The following PCDHGB2 variants were observed in gnomAD, a reference collection of about 807,000 sequenced individuals.
PCDHGB2 encodes the protein protocadherin gamma-B2.
Under a neutral mutation model 59.3 loss-of-function variants are expected in PCDHGB2, and 55 were observed. That is an observed-to-expected ratio of 0.93 (90% CI 0.75 to 1.16). The LOEUF is 1.16. PCDHGB2 is among the 50% of genes most tolerant of loss of function. The pLI, the probability that PCDHGB2 is intolerant of heterozygous loss-of-function variation, is 0.00. For missense variants in PCDHGB2, 1,228 were observed against 1,198.5 expected, an observed-to-expected ratio of 1.02 and a Z score of -0.36; for synonymous variants, 516 against 512.0, an observed-to-expected ratio of 1.01 and a Z score of -0.11.
intron 1 of PCDHGB2, chr5:141,371,397 A>G: frequency 6.2e-7 from 1 of 1,614,004 alleles, no homozygotes; most frequent in Non-Finnish European, 8.5e-7. Flanking sequence ...TAAAGTACAG[A>G]TAGATATTTC....
intron 2 of PCDHGB2, among the ~76,000 whole-genome samples, chr5:141,497,552 T>C (rs2099777669): frequency 6.6e-6 from 1 of 151,386 alleles, no homozygotes; most frequent in Non-Finnish European, 1.5e-5. Context: ...TTTTTTTTTT[T>C]TTTTTTAGAC....
intron 1 of PCDHGB2, among the ~76,000 whole-genome samples, chr5:141,473,990 G>A (rs988540565): frequency 2.0e-5 from 3 of 152,130 alleles, no homozygotes; most frequent in African/African-American, 7.2e-5. Flanking sequence ...GATCCCTTGA[G>A]CCCAAGGAGC....
chr5:141,367,141 T>G (rs1764967867), intron 1 of PCDHGB2: 1 of 171,782 alleles, frequency 5.8e-6, no homozygotes, highest in Admixed American at 5.8e-5. Context: ...GAAAGGATAA[T>G]GTATAGGACT....
rs1771007417 is a variant in PCDHGB2, at chr5:141,374,980, A to G, written c.2421+12424A>G. ...TTTTCTGTTTGAATGTTTTGACTGG[A>G]GAAATTTCAACTTCTGCAAATCTAG... On this transcript the variant is annotated intron_variant, in intron 1 of 3. Transcript: ENST00000522605. 3 of 1,613,920 alleles carry G rather than the reference A, an allele frequency of 1.9e-6. No homozygotes were observed. The Admixed American group carries it at 5.0e-5, about 27-fold the overall frequency.
intron 1 of PCDHGB2, among the ~76,000 whole-genome samples, chr5:141,467,680 T>A (rs75237059): frequency 6.6e-6 from 1 of 152,138 alleles, no homozygotes; most frequent in Non-Finnish European, 1.5e-5. Flanking sequence ...TTATTTTTTT[T>A]AGACAGGGTC....
intron 1 of PCDHGB2, chr5:141,433,153 A>G (rs896611410): frequency 3.1e-6 from 5 of 1,613,482 alleles, no homozygotes; most frequent in African/African-American, 2.7e-5. Flanking sequence ...GTGATTCGGT[A>G]TTTTCTAAAG....
chr5:141,415,761 T>TG (rs1485369884), intron 1 of PCDHGB2: 1 of 1,399,490 alleles, frequency 7.1e-7, no homozygotes, highest in Non-Finnish European at 9.3e-7. Flanking sequence ...TTTTTTTTTT[T>TG]TTTTTTTTTT....
chr5:141,434,768 T>C (rs6580188), intron 1 of PCDHGB2, among the ~76,000 whole-genome samples: 81,499 of 151,296 alleles, frequency 0.54, 23,977 homozygotes, highest in African/African-American at 0.79. Context: ...CACTTCACAC[T>C]TCTAAAAAAA....
chr5:141,362,169 C>T lies in PCDHGB2; in HGVS notation c.2034C>T (p.Arg678=), dbSNP rs1762357316. 1 of 1,614,046 alleles carries T rather than the reference C, an allele frequency of 6.2e-7. No individual in the cohort carries two copies. Among genetic ancestry groups the T allele is most frequent in the Non-Finnish European group, 8.5e-7 (1 of 1,179,900 alleles). The change falls in exon 1 of 4, where the codon CGC becomes CGT. Residue 678 remains arginine (R), a synonymous_variant. Transcript: ENST00000522605. Reference sequence around the variant, plus strand: ...AGGTATTGCCAGACCTCAGCGACCGCCGGGAGCCCTCTGACCCCCAGGCAA... The same window carrying T: ...AGGTATTGCCAGACCTCAGCGACCGTCGGGAGCCCTCTGACCCCCAGGCAA... ...LQEVLPDLSD[R]REPSDPQAKL...
chr5:141,400,728 T>C, intron 1 of PCDHGB2: 1 of 648,188 alleles, frequency 1.5e-6, no homozygotes. Context: ...ATTTACAAAG[T>C]AGTGAGAGTT....
rs748591129 is a variant in PCDHGB2 at position 141,388,776 on chromosome 5, G to A, written c.2421+26220G>A. ...ATTTGACCTGAACTCTAACACCGGG[G>A]AAATTACTGTTTTAAATACATTAGA... On this transcript the variant is annotated intron_variant, in intron 1 of 3. Transcript: ENST00000522605. 8.7e-6 allele frequency: 14 copies of A among 1,613,806 alleles called. 1 individual carries two copies. In the South Asian group the frequency reaches 1.1e-4, roughly 13 times the overall value.
chr5:141,383,924 A>T (rs1215078494), intron 1 of PCDHGB2: 1 of 1,613,832 alleles, frequency 6.2e-7, no homozygotes, highest in Non-Finnish European at 8.5e-7. Context: ...GATGTAAATG[A>T]TAATGCTCCA....
Position 141,476,962 on chromosome 5 carries a change from C to T in PCDHGB2, c.2422-17845C>T. The stretch of plus-strand genomic sequence containing the variant: ...GCCCCAACGGTGAAATTATTTACTC[C>T]TTCGGCAGCCACAACCGCGCCGGCG... On this transcript the variant is annotated intron_variant, in intron 1 of 3. Coordinates refer to ENST00000522605, the MANE Select transcript of PCDHGB2 (RefSeq NM_018923.3). The surrounding 1 kb of genome is among the most constrained non-coding windows in gnomAD (Gnocchi z 7.6). 6.2e-7 allele frequency: 1 copy of T among 1,614,200 alleles called. No homozygotes were observed. Among genetic ancestry groups the T allele is most frequent in the South Asian group, 1.1e-5 (1 of 91,090 alleles).
At chr5:141,498,967 GGGAGGGAAGGAA>G (rs1374222518) in intron 2 of PCDHGB2, among the ~76,000 whole-genome samples, 13 of 129,674 alleles carry the variant, frequency 1.0e-4, no homozygotes, top group South Asian at 5.5e-4. Context: ...GAGGGAGGGA[GGGAGGGAAGGAA>G]GGAAGGAAGG....
chr5:141,410,103 A>G, intron 1 of PCDHGB2: 1 of 1,612,622 alleles, frequency 6.2e-7, no homozygotes, highest in South Asian at 1.1e-5. Flanking sequence ...GCCTTAGGCG[A>G]CAGGGACGCA....
At chr5:141,505,143 CAG>C (rs1332770308) in intron 2 of PCDHGB2, among the ~76,000 whole-genome samples, 1 of 152,172 alleles carries the variant, frequency 6.6e-6, no homozygotes, top group Non-Finnish European at 1.5e-5. Context: ...GCCTGGATGA[CAG>C]AGTAAGACCC....
chr5:141,384,553 G>C, intron 1 of PCDHGB2: 1 of 1,614,270 alleles, frequency 6.2e-7, no homozygotes, highest in Non-Finnish European at 8.5e-7. Context: ...GAGCCTGTTC[G>C]TGCTGGACCA....
rs141556649 is a variant in PCDHGB2 at position 141,492,225 on chromosome 5, C to T, written c.2422-2582C>T. ...GTGTGCGCGCGGGGCTCATGCGTGT[C>T]CTCCCTGCTGGCCACCCCCACGGCC... On this transcript the variant is annotated intron_variant, in intron 1 of 3. Transcript: ENST00000522605. Among the ~76,000 whole-genome samples the T allele has an allele frequency of 2.4e-3, 361 of 152,274 alleles. No individual in the cohort carries two copies. In the Middle Eastern group the frequency reaches 0.024, roughly 10 times the overall value.
intron 1 of PCDHGB2, chr5:141,403,609 G>A (rs1434656385): frequency 6.2e-7 from 1 of 1,613,870 alleles, no homozygotes; most frequent in South Asian, 1.1e-5. Flanking sequence ...ATGGCGGCGA[G>A]CCGCGTCGCT....
Sources: allele counts gnomAD v4.1 joint callset (sites outside exome capture counted in the v4.1 genomes callset), GRCh38; gene constraint gnomAD v4.1.1; non-coding constraint Gnocchi (gnomAD v3.1); transcripts MANE v1.5; gene names NCBI Gene and HGNC (gene_info 2026-07-23, HGNC 2026-07-21).